GRM8: variants seen among roughly 807,000 people sequenced by gnomAD.
The protein encoded by GRM8 is glutamate metabotropic receptor 8.
GRM8 carries 47 observed loss-of-function variants against 87.2 expected under a neutral mutation model. That is an observed-to-expected ratio of 0.54 (90% CI 0.43 to 0.69). GRM8 has a LOEUF of 0.69. Among genes scored for constraint, GRM8 ranks in the 30% least tolerant of loss-of-function variants. The pLI is 0.00. For synonymous variants in GRM8, 396 were observed against 404.5 expected, an observed-to-expected ratio of 0.98 and a Z score of 0.25; for missense variants, 1,019 against 1,139.2, an observed-to-expected ratio of 0.89 and a Z score of 1.52.
chr7:126,861,397 G>A (rs1798123244), intron 6 of GRM8, among the ~76,000 whole-genome samples: 2 of 151,564 alleles, frequency 1.3e-5, no homozygotes, highest in Admixed American at 1.3e-4. Context: ...AACATCCATG[G>A]CACATACATG....
At chr7:126,909,709 T>C (rs1015385064) in intron 3 of GRM8, among the ~76,000 whole-genome samples, 13 of 152,218 alleles carry the variant, frequency 8.5e-5, no homozygotes, top group African/African-American at 3.1e-4. Flanking sequence ...TATGTATACT[T>C]TACAATACAC....
At chr7:126,872,540 A>C (rs1484345237) in intron 6 of GRM8, among the ~76,000 whole-genome samples, 1 of 152,202 alleles carries the variant, frequency 6.6e-6, no homozygotes, top group African/African-American at 2.4e-5. Context: ...CTAGCACTTT[A>C]AGCTGTTTGG....
chr7:126,689,522 T>A (rs1375697920), intron 7 of GRM8, among the ~76,000 whole-genome samples: 1 of 152,154 alleles, frequency 6.6e-6, no homozygotes, highest in African/African-American at 2.4e-5. Flanking sequence ...AATGATAATG[T>A]TATGGCGCTG....
intron 3 of GRM8, among the ~76,000 whole-genome samples, chr7:127,055,379 A>G (rs934301150): frequency 6.6e-6 from 1 of 152,184 alleles, no homozygotes; most frequent in Non-Finnish European, 1.5e-5. Flanking sequence ...TGGCACAATA[A>G]AGAAATATAT....
Position 126,685,053 on chromosome 7 carries a change from C to A in GRM8, c.1358-75555G>T, listed in dbSNP as rs1027397143. Among the ~76,000 whole-genome samples the A allele has an allele frequency of 6.6e-6, 1 of 152,136 alleles. No homozygotes were observed. Among genetic ancestry groups the A allele is most frequent in the South Asian group, 2.1e-4 (1 of 4,830 alleles). On this transcript the variant is annotated intron_variant, in intron 7 of 10. Transcript: ENST00000339582. This position sits in a 1 kb window ranked among gnomAD's most constrained non-coding sequence, Gnocchi z 4.2. ...GTGGCCATGGGACCCCTGTGCCCTG[C>A]GTCCCCAAGGAAGCTGACTGCACTG...
chr7:127,067,190 G>A (rs1005297744), intron 3 of GRM8, among the ~76,000 whole-genome samples: 2 of 152,110 alleles, frequency 1.3e-5, no homozygotes, highest in Non-Finnish European at 2.9e-5. Flanking sequence ...CCCTCTGGTG[G>A]CCAAGAGTTC....
chr7:126,561,239 A>C (rs1252557610), intron 8 of GRM8, among the ~76,000 whole-genome samples: 1 of 152,254 alleles, frequency 6.6e-6, no homozygotes, highest in South Asian at 2.1e-4. Flanking sequence ...TTGGGAGGCC[A>C]AGGTGGGCGG....
chr7:126,689,094 A>T (rs1808509751), intron 7 of GRM8, among the ~76,000 whole-genome samples: 1 of 151,950 alleles, frequency 6.6e-6, no homozygotes, highest in Non-Finnish European at 1.5e-5. Context: ...AAGAACAGAG[A>T]CCAATCACAG....
chr7:126,565,851 G>A (rs1324495656), intron 8 of GRM8, among the ~76,000 whole-genome samples: 2 of 151,988 alleles, frequency 1.3e-5, no homozygotes, highest in African/African-American at 2.4e-5. Flanking sequence ...TAAGCCAATA[G>A]AACAGAATAG....
intron 3 of GRM8, among the ~76,000 whole-genome samples, chr7:127,062,542 G>A (rs897882539): frequency 1.2e-4 from 18 of 152,294 alleles, no homozygotes; most frequent in African/African-American, 4.1e-4. Flanking sequence ...CAAAATAAAT[G>A]TCAGGACTTG....
At chr7:126,992,563 T>G (rs1812763795) in intron 3 of GRM8, among the ~76,000 whole-genome samples, 1 of 152,174 alleles carries the variant, frequency 6.6e-6, no homozygotes, top group Non-Finnish European at 1.5e-5. Flanking sequence ...CACAGGCAGT[T>G]CATTAAAAAT....
At chr7:127,146,898 A>T (rs1828583580) in intron 2 of GRM8, among the ~76,000 whole-genome samples, 1 of 152,036 alleles carries the variant, frequency 6.6e-6, no homozygotes, top group Non-Finnish European at 1.5e-5. Flanking sequence ...TCACCTCTTC[A>T]ACTCAAAGAA....
intron 3 of GRM8, among the ~76,000 whole-genome samples, chr7:126,989,951 A>C (rs938032896): frequency 3.8e-5 from 5 of 132,420 alleles, no homozygotes; most frequent in Admixed American, 7.0e-5. Flanking sequence ...ACCCTGACTC[A>C]AAAAAAAAAT....
At chr7:126,965,268 C>A (rs957165777) in intron 3 of GRM8, among the ~76,000 whole-genome samples, 2 of 151,820 alleles carry the variant, frequency 1.3e-5, no homozygotes, top group African/African-American at 4.8e-5. Context: ...ATGTAACAAA[C>A]CTGCACATTC....
rs142952075 is a variant in GRM8, at chr7:126,613,594, A to C, written c.1358-4096T>G. On this transcript the variant is annotated intron_variant, in intron 7 of 10. Transcript: ENST00000339582. ...CAGGGCGAGGCATCGCCTCACCCGG[A>C]AAGTGCAAGGGGTCAGGGAATTCCC... Among the ~76,000 whole-genome samples, 740 of 152,250 alleles carry C rather than the reference A, an allele frequency of 4.9e-3. 7 individuals carry two copies. Among genetic ancestry groups the C allele is most frequent in the African/African-American group, 0.017 (717 of 41,562 alleles).
intron 9 of GRM8, among the ~76,000 whole-genome samples, chr7:126,471,294 G>A (rs1458619872): frequency 1.3e-5 from 2 of 152,082 alleles, no homozygotes; most frequent in African/African-American, 4.8e-5. Flanking sequence ...GTAATGCCTA[G>A]GTTTTCTTCT....
Position 126,446,301 on chromosome 7 carries a change from A to T in GRM8, c.2502T>A (p.Tyr834Ter). The T allele has an allele frequency of 6.2e-7, 1 of 1,606,958 alleles. No individual in the cohort carries two copies. Among genetic ancestry groups the T allele is most frequent in the Non-Finnish European group, 8.5e-7 (1 of 1,174,000 alleles). Residue 834 changes from tyrosine to a stop codon, truncating the protein, a stop_gained, in exon 10 of 11, where the codon TAT becomes TAA. Transcript: ENST00000339582. LOFTEE classifies it high-confidence loss of function. ...AAATTATAATATAAACCTTGGGCAT[A>T]TAGAGCATGCCCAGAGATACTGAAG... ...LSASVSLGMLYMPKVYIIIFH... is the reference protein window; with the variant it reads ...LSASVSLGML
chr7:126,651,184 T>C (rs1396349152), intron 7 of GRM8, among the ~76,000 whole-genome samples: 1 of 152,216 alleles, frequency 6.6e-6, no homozygotes, highest in Non-Finnish European at 1.5e-5. Flanking sequence ...ACTGTCATGG[T>C]ATCCCACACA....
chr7:127,118,861 G>C (rs147030764), intron 2 of GRM8, among the ~76,000 whole-genome samples: 1 of 152,138 alleles, frequency 6.6e-6, no homozygotes, highest in Non-Finnish European at 1.5e-5. Flanking sequence ...ACTCCTTTAT[G>C]GTTGTAAGTC....
Sources: gnomAD v4.1 joint callset for allele counts (sites outside exome capture counted in the v4.1 genomes callset) on GRCh38, gnomAD v4.1.1 for gene constraint, Gnocchi (gnomAD v3.1) non-coding constraint, MANE v1.5 for transcripts, NCBI Gene and HGNC (gene_info 2026-07-23, HGNC 2026-07-21) for gene names.